Variants in PLXDC1 observed in about 807,000 individuals in gnomAD.
PLXDC1 encodes plexin domain-containing protein 1.
A neutral mutation model predicts 61.3 loss-of-function variants in PLXDC1; 39 were observed. The ratio of observed to expected loss-of-function variants is 0.64; its 90% CI spans 0.49 to 0.83. The LOEUF (loss-of-function observed/expected upper bound fraction) is 0.83, where lower values mean the gene tolerates loss of function less well. Among genes scored for constraint, PLXDC1 ranks in the 40% least tolerant of loss-of-function variants. PLXDC1 has a pLI of 0.00. For missense variants in PLXDC1, 596 were observed against 666.5 expected (o/e 0.89, Z 1.17); for synonymous variants, 212 against 254.5 (o/e 0.83, Z 1.59).
intron 7 of PLXDC1, among the ~76,000 whole-genome samples, chr17:39,098,205 C>CAAA (rs56027303): frequency 2.0e-5 from 2 of 101,484 alleles, no homozygotes; most frequent in Admixed American, 1.1e-4. Context: ...AACTCCATCT[C>CAAA]AAAAAAAAAA....
Position 39,129,711 on chromosome 17 carries a change from G to GGAAAGAAAGAAAGAAAGAGAAA in PLXDC1, c.255+9942_255+9943insTTTCTCTTTCTTTCTTTCTTTC, listed in dbSNP as rs1555573381. Among the ~76,000 whole-genome samples the GGAAAGAAAGAAAGAAAGAGAAA allele has an allele frequency of 1.7e-4, 18 of 108,256 alleles. 1 individual carries two copies. The highest frequency in any genetic ancestry group is 1.2e-3 in the Admixed American group (12 of 9,846). 71.0% of individuals were successfully genotyped at this position (108,256 alleles called of 152,430 possible). ...AGAAAAGAAAGAAAGAAAGAAAGAA[G>GGAAAGAAAGAAAGAAAGAGAAA]GAAAGAAAGAAAGAAAGAAAAGAAA... On this transcript the variant is annotated intron_variant, in intron 2 of 13. Coordinates refer to ENST00000315392, the MANE Select transcript of PLXDC1 (RefSeq NM_020405.5).
chr17:39,106,762 G>T (rs996687016), intron 6 of PLXDC1, among the ~76,000 whole-genome samples: 2 of 148,450 alleles, frequency 1.3e-5, no homozygotes, highest in Non-Finnish European at 3.0e-5. Context: ...CGATTCTCCT[G>T]CCTCAGCCTC....
intron 2 of PLXDC1, among the ~76,000 whole-genome samples, chr17:39,130,613 G>A (rs1911528060): frequency 6.6e-6 from 1 of 152,070 alleles, no homozygotes; most frequent in Non-Finnish European, 1.5e-5. Context: ...CGCCCAGGCT[G>A]GAGTGCAGTG....
chr17:39,108,296 G>A (rs1003687862), intron 4 of PLXDC1, 51 bp from the exon 5 acceptor site: 9 of 1,596,674 alleles, frequency 5.6e-6, no homozygotes, highest in East Asian at 4.5e-5. Context: ...CAGAGGGGCC[G>A]CTTTGGGGGC....
intron 2 of PLXDC1, among the ~76,000 whole-genome samples, chr17:39,111,513 G>A (rs1910799959): frequency 6.6e-6 from 1 of 152,138 alleles, no homozygotes; most frequent in South Asian, 2.1e-4. Context: ...TCAAACTCCT[G>A]ACCTCAAGTG....
intron 7 of PLXDC1, among the ~76,000 whole-genome samples, chr17:39,105,179 C>T (rs1407762517): frequency 1.3e-5 from 2 of 152,150 alleles, no homozygotes; most frequent in African/African-American, 4.8e-5. Context: ...CAGAAGAGGT[C>T]AGGTTAAAAA....
chr17:39,104,903 G>A (rs957337460), intron 7 of PLXDC1, among the ~76,000 whole-genome samples: 7 of 152,220 alleles, frequency 4.6e-5, no homozygotes, highest in African/African-American at 9.6e-5. Context: ...CTCAGAACAC[G>A]TGTACTGATG....
At chr17:39,070,612 C>T (rs1160780761) in intron 12 of PLXDC1, 1 of 152,256 alleles carries the variant, frequency 6.6e-6, no homozygotes, top group African/African-American at 2.4e-5. Context: ...CTATCACTGT[C>T]CACTCCCAGA....
intron 7 of PLXDC1, among the ~76,000 whole-genome samples, chr17:39,102,854 G>A (rs551736329): frequency 6.6e-6 from 1 of 151,972 alleles, no homozygotes; most frequent in South Asian, 2.1e-4. Context: ...AGGGTTCAGG[G>A]GCAGGTGAAA....
chr17:39,069,773 A>G, intron 13 of PLXDC1, 83 bp downstream of exon 13: 1 of 1,038,586 alleles, frequency 9.6e-7, no homozygotes, highest in Non-Finnish European at 1.5e-6. Context: ...GGAGAGGGAG[A>G]AGGGGAGAGG....
chr17:39,152,501 A>AT, upstream of PLXDC1: 1 of 1,228,022 alleles, frequency 8.1e-7, no homozygotes, highest in Non-Finnish European at 1.0e-6. Flanking sequence ...GACGGCAAGG[A>AT]ATCAGGTCAG....
chr17:39,084,403 T>A (rs1405795403), intron 8 of PLXDC1, among the ~76,000 whole-genome samples: 1 of 152,254 alleles, frequency 6.6e-6, no homozygotes, highest in South Asian at 2.1e-4. Flanking sequence ...ATGGTAACCA[T>A]CTCACTGTCT....
intron 2 of PLXDC1, among the ~76,000 whole-genome samples, chr17:39,117,122 G>T (rs141883989): frequency 8.5e-5 from 13 of 152,210 alleles, no homozygotes; most frequent in Non-Finnish European, 1.8e-4. Flanking sequence ...CTTTCAGTGT[G>T]GGCTTCATTG....
Position 39,067,693 on chromosome 17 carries a change from G to T in PLXDC1, c.*147C>A. ...TCTTCAATATTCGGGGTGTGCTGACGAAGCGAGCAGCAGCTCTGGAGCCAT... is the reference window on the plus strand; with the variant it reads ...TCTTCAATATTCGGGGTGTGCTGACTAAGCGAGCAGCAGCTCTGGAGCCAT... On this transcript the variant is annotated 3_prime_UTR_variant, in exon 14 of 14. Transcript: ENST00000315392. 1 of 745,436 alleles carries T rather than the reference G, an allele frequency of 1.3e-6. No individual in the cohort carries two copies. The highest frequency in any genetic ancestry group is 2.2e-6 in the Non-Finnish European group (1 of 459,266). The allele number at this position is 745,436 out of a possible 1,614,324, so 46.2% of individuals were successfully genotyped here.
chr17:39,119,675 G>A (rs2143772054), intron 2 of PLXDC1, among the ~76,000 whole-genome samples: 1 of 152,250 alleles, frequency 6.6e-6, no homozygotes, highest in Non-Finnish European at 1.5e-5. Context: ...AGCCTGGGAA[G>A]TTGAAGCTGC....
intron 2 of PLXDC1, among the ~76,000 whole-genome samples, chr17:39,133,183 G>T (rs994267240): frequency 6.6e-6 from 1 of 152,142 alleles, no homozygotes; most frequent in South Asian, 2.1e-4. Flanking sequence ...CCAGGTTGGG[G>T]GTGGGCAGAT....
At chr17:39,095,215 G>A (rs1910104664) in intron 7 of PLXDC1, among the ~76,000 whole-genome samples, 1 of 151,712 alleles carries the variant, frequency 6.6e-6, no homozygotes, top group Non-Finnish European at 1.5e-5. Context: ...GAGTGGGGGA[G>A]GCTGAGTGGT....
At chr17:39,104,111 G>C (rs1026212646) in intron 7 of PLXDC1, among the ~76,000 whole-genome samples, 1 of 152,202 alleles carries the variant, frequency 6.6e-6, no homozygotes, top group Admixed American at 6.5e-5. Context: ...GAGTTTTAAA[G>C]TCTACTGTAG....
At chr17:39,115,659 G>A (rs755127656) in intron 2 of PLXDC1, among the ~76,000 whole-genome samples, 1 of 152,226 alleles carries the variant, frequency 6.6e-6, no homozygotes, top group African/African-American at 2.4e-5. Flanking sequence ...AAAGCCTGCA[G>A]GGGAGCATTT....
Sources: gnomAD v4.1 joint callset for allele counts (sites outside exome capture counted in the v4.1 genomes callset) on GRCh38, gnomAD v4.1.1 for gene constraint, MANE v1.5 for transcripts, NCBI Gene and HGNC (gene_info 2026-07-23, HGNC 2026-07-21) for gene names.